The following PLEKHH1 variants were observed in gnomAD, a reference collection of about 807,000 sequenced individuals.
The protein encoded by PLEKHH1 is pleckstrin homology domain-containing family H member 1.
PLEKHH1 carries 104 observed loss-of-function variants against 160.0 expected under a neutral mutation model. That is an observed-to-expected ratio of 0.65 (90% CI 0.55 to 0.76). The LOEUF (loss-of-function observed/expected upper bound fraction) is 0.76. Among genes scored for constraint, PLEKHH1 ranks in the 30% least tolerant of loss-of-function variants. The pLI is 0.00. For missense variants in PLEKHH1, 1,427 were observed against 1,724.1 expected, an observed-to-expected ratio of 0.83 and a Z score of 3.05; for synonymous variants, 619 against 678.4, an observed-to-expected ratio of 0.91 and a Z score of 1.36.
chr14:67,555,870 G>A lies in PLEKHH1; in HGVS notation c.172G>A (p.Glu58Lys). The A allele has an allele frequency of 6.2e-7, 1 of 1,613,680 alleles. No individual in the cohort carries two copies. The highest frequency in any genetic ancestry group is 8.5e-7 in the Non-Finnish European group (1 of 1,179,754). Residue 58 changes from glutamate to lysine, a missense_variant, in exon 3 of 29, where the codon GAG becomes AAG. Glu to Lys is a moderately conservative substitution (Grantham distance 56). Around this residue, in one of 6 missense-constraint regions of PLEKHH1, gnomAD observed 831 missense variants for 929.2 expected, o/e 0.89. Coordinates refer to ENST00000329153, the MANE Select transcript of PLEKHH1 (RefSeq NM_020715.3). ...QRLLEAEQRAENAETQVGVME... is the reference protein window; with the variant it reads ...QRLLEAEQRAKNAETQVGVME... ...GCTGCTGGAGGCAGAGCAGAGAGCA[G>A]AGAACGCTGAGACCCAGGTAACCAG...
At chr14:67,569,497 G>C (rs3742871) in intron 8 of PLEKHH1, among the ~76,000 whole-genome samples, 69,481 of 148,786 alleles carry the variant, frequency 0.47, 16,466 homozygotes, top group South Asian at 0.57. Context: ...CACAGGCTTC[G>C]CTTCTGCAGT....
intron 7 of PLEKHH1, among the ~76,000 whole-genome samples, chr14:67,568,570 C>T (rs910157515): frequency 6.6e-6 from 1 of 152,020 alleles, no homozygotes; most frequent in African/African-American, 2.4e-5. Flanking sequence ...AAAACCTGCA[C>T]ATCTTGCATA....
chr14:67,568,119 G>A (rs1386807103), intron 7 of PLEKHH1, among the ~76,000 whole-genome samples: 1 of 152,078 alleles, frequency 6.6e-6, no homozygotes, highest in Non-Finnish European at 1.5e-5. Flanking sequence ...ATTCCTGCAG[G>A]GGAAAAAACG....
At position 67,578,434 on chromosome 14, in the gene PLEKHH1, G is replaced by A; in HGVS notation, c.2752-100G>A. The A allele has an allele frequency of 1.1e-6, 1 of 943,662 alleles. No homozygotes were observed. The highest frequency in any genetic ancestry group is 1.7e-6 in the Non-Finnish European group (1 of 601,720). The allele number at this position is 943,662 out of a possible 1,614,324, so 58.5% of individuals were successfully genotyped here. ...CACCCAGAGCAAGTTGGGGGCTCTG[G>A]TTTGGGGAAAGAGTGCTGAAGGCTC... On this transcript the variant is annotated intron_variant, in intron 19 of 28. Coordinates refer to ENST00000329153, the MANE Select transcript of PLEKHH1 (RefSeq NM_020715.3). The surrounding 1 kb of genome is among the most constrained non-coding windows in gnomAD (Gnocchi z 5.0).
At chr14:67,555,476 G>A (rs2034555444) in intron 2 of PLEKHH1, among the ~76,000 whole-genome samples, 1 of 152,146 alleles carries the variant, frequency 6.6e-6, no homozygotes, top group Non-Finnish European at 1.5e-5. Context: ...GAGGAAAGGG[G>A]CCTCAGGAAG....
rs2035928363 is a variant in PLEKHH1 at position 67,582,088 on chromosome 14, G to A, written c.3304G>A (p.Val1102Ile). 1.2e-6 allele frequency: 2 copies of A among 1,611,902 alleles called. No individual in the cohort carries two copies. The highest frequency in any genetic ancestry group is 1.3e-5 in the African/African-American group (1 of 75,020). ...YKNRLYFRSQ[V>I]KGETDRERLL... ...TTGTAGGCTGTACTTTCGCAGTCAA[G>A]TCAAAGGGGAGACGGACCGAGAACG... The change falls in exon 24 of 29, where the codon GTC becomes ATC. Residue 1102 changes from valine to isoleucine, a missense_variant. Around this residue, in one of 6 missense-constraint regions of PLEKHH1, gnomAD observed 436 missense variants for 607.5 expected, o/e 0.72. Transcript: ENST00000329153. The surrounding 1 kb of genome is among the most constrained non-coding windows in gnomAD (Gnocchi z 5.0).
In PLEKHH1 at chr14:67,560,023, T is replaced by A. The variant is rs140452568; in HGVS notation, c.423+332T>A. 3.5e-4 allele frequency among the ~76,000 whole-genome samples: 53 copies of A among 152,208 alleles called. 1 individual carries two copies. The South Asian group carries it at 6.6e-3, about 19-fold the overall frequency. ...ACTCTCTCCACTTTCTCTTTTATTT[T>A]TATTTATTTATTTATTTATTGGAGA... On this transcript the variant is annotated intron_variant, in intron 5 of 28. Transcript: ENST00000329153.
chr14:67,587,140 A>C lies in PLEKHH1; in HGVS notation c.4000A>C (p.Thr1334Pro). The change falls in exon 29 of 29, where the codon ACC becomes CCC. Residue 1334 changes from threonine (T) to proline (P), a missense_variant. Transcript: ENST00000329153. ...NHCTTTVNPP[T>P]NPPGACQLWE... ...TTGCACTACAACTGTGAACCCCCCC[A>C]CCAACCCACCCGGAGCCTGCCAGCT... is the stretch of plus-strand genomic sequence containing the variant. 6.2e-7 allele frequency: 1 copy of C among 1,613,708 alleles called. No homozygotes were observed. The highest frequency in any genetic ancestry group is 8.5e-7 in the Non-Finnish European group (1 of 1,179,788).
chr14:67,573,811 TC>T lies in PLEKHH1; in HGVS notation c.1852del (p.Arg618GlyfsTer9). On this transcript the variant is annotated frameshift_variant, in exon 13 of 29. Transcript: ENST00000329153. LOFTEE classifies it high-confidence loss of function. The surrounding 1 kb of genome is among the most constrained non-coding windows in gnomAD (Gnocchi z 4.8). ...ATACTTTCTTTACAGAGTGATGTCA[TC>T]CGGAAACCTCAAGGCCAAGTGGATC... ...IMYYKSPSDV[I>X]RKPQGQVDLN... is the part of the protein sequence containing the mutation. The T allele has an allele frequency of 6.2e-7, 1 of 1,611,450 alleles. No homozygotes were observed. The highest frequency in any genetic ancestry group is 8.5e-7 in the Non-Finnish European group (1 of 1,177,598).
intron 1 of PLEKHH1, 108 bp from the exon 2 acceptor site, chr14:67,541,726 T>G (rs2033971054): frequency 1.4e-6 from 1 of 712,492 alleles, no homozygotes; most frequent in African/African-American, 1.9e-5. Context: ...TGTTTTCTCT[T>G]CCCCAGCCCT....
chr14:67,578,995 A>C lies in PLEKHH1; in HGVS notation c.2850-139A>C. On this transcript the variant is annotated intron_variant, in intron 20 of 28. Coordinates refer to ENST00000329153, the MANE Select transcript of PLEKHH1 (RefSeq NM_020715.3). The surrounding 1 kb of genome is among the most constrained non-coding windows in gnomAD (Gnocchi z 5.0). ...GTCCTGAATGACAAATTAATGTCCC[A>C]GACCAGAGTCTTCAGGGCTTTTCTC... 3.0e-6 allele frequency: 2 copies of C among 660,808 alleles called. No individual in the cohort carries two copies. The highest frequency in any genetic ancestry group is 5.3e-6 in the Non-Finnish European group (2 of 377,140). The allele number at this position is 660,808 out of a possible 1,614,324, so 40.9% of individuals were successfully genotyped here. A position where few individuals can be genotyped will look rare whatever the true frequency, so the allele number is the denominator to read the frequency against.
chr14:67,547,415 G>C (rs1443414723), intron 2 of PLEKHH1, among the ~76,000 whole-genome samples: 1 of 152,214 alleles, frequency 6.6e-6, no homozygotes, highest in Non-Finnish European at 1.5e-5. Context: ...TTCCCTAGCA[G>C]AGCCAAGACA....
At chr14:67,586,510 G>A in intron 28 of PLEKHH1, 1 of 891,154 alleles carries the variant, frequency 1.1e-6, no homozygotes, top group South Asian at 1.4e-5. Flanking sequence ...TACAAAGTGG[G>A]ACAGTCCCAC....
intron 2 of PLEKHH1, among the ~76,000 whole-genome samples, chr14:67,543,577 G>C (rs1038453902): frequency 6.6e-6 from 1 of 152,148 alleles, no homozygotes; most frequent in Non-Finnish European, 1.5e-5. Flanking sequence ...CTCCTGGGGG[G>C]TTGCTAATAA....
chr14:67,538,567 C>T (rs1412558241), intron 1 of PLEKHH1, among the ~76,000 whole-genome samples: 1 of 152,188 alleles, frequency 6.6e-6, no homozygotes, highest in African/African-American at 2.4e-5. Context: ...TGGTATCTTC[C>T]TTTAACCTCC....
rs985196032 is a variant in PLEKHH1, at chr14:67,588,639, A to G, written c.*1404A>G. On this transcript the variant is annotated 3_prime_UTR_variant, in exon 29 of 29. Coordinates refer to ENST00000329153, the MANE Select transcript of PLEKHH1 (RefSeq NM_020715.3). ...TAACAAAAACAAAACGAAAGAGTTC[A>G]TACTCTGATTTTCCAACATCTAGGA... 6 of 152,232 alleles carry G rather than the reference A, an allele frequency of 3.9e-5. No individual in the cohort carries two copies. Among genetic ancestry groups the G allele is most frequent in the Non-Finnish European group, 8.8e-5 (6 of 68,032 alleles). 9.4% of individuals were successfully genotyped at this position (152,232 alleles called of 1,614,324 possible). A position where few individuals can be genotyped will look rare whatever the true frequency, so the allele number is the denominator to read the frequency against.
chr14:67,553,280 T>C (rs773420298), intron 2 of PLEKHH1, among the ~76,000 whole-genome samples: 2 of 152,238 alleles, frequency 1.3e-5, no homozygotes, highest in Non-Finnish European at 1.5e-5. Context: ...AGGAAACTTA[T>C]TGAGGGACCA....
intron 1 of PLEKHH1, among the ~76,000 whole-genome samples, chr14:67,537,013 C>A (rs530536353): frequency 1.3e-5 from 2 of 150,436 alleles, no homozygotes; most frequent in African/African-American, 4.9e-5. Flanking sequence ...GTACTCCAGC[C>A]TGGGTGACAG....
At chr14:67,561,906 A>T (rs2140418225) in intron 5 of PLEKHH1, 48 bp from the exon 6 acceptor site, 1 of 1,375,572 alleles carries the variant, frequency 7.3e-7, no homozygotes, top group Non-Finnish European at 1.0e-6. Context: ...AAATACATCT[A>T]AACCTGTAGG....
Sources: gnomAD v4.1 joint callset for allele counts (sites outside exome capture counted in the v4.1 genomes callset) on GRCh38, gnomAD v4.1.1 for gene constraint, gnomAD v4.1.1 regional missense constraint, Gnocchi (gnomAD v3.1) non-coding constraint, MANE v1.5 for transcripts, NCBI Gene and HGNC (gene_info 2026-07-23, HGNC 2026-07-21) for gene names.